The following RFTN2 variants were observed in gnomAD, a reference collection of about 807,000 sequenced individuals.
The protein encoded by RFTN2 is raftlin family member 2, also known as raftlin-2.
RFTN2 carries 34 observed loss-of-function variants against 52.7 expected under a neutral mutation model. The observed-to-expected ratio is 0.64, with a 90% CI of 0.49 to 0.86. The LOEUF (loss-of-function observed/expected upper bound fraction) is 0.86, where lower values mean the gene tolerates loss of function less well. RFTN2 is among the 40% of genes least tolerant of loss of function. RFTN2 has a pLI of 0.00. For synonymous variants in RFTN2, 203 were observed against 217.7 expected, an observed-to-expected ratio of 0.93 and a Z score of 0.59; for missense variants, 536 against 600.1, an observed-to-expected ratio of 0.89 and a Z score of 1.12.
intron 5 of RFTN2, among the ~76,000 whole-genome samples, chr2:197,629,702 ATTTAT>A (rs57395567): frequency 2.0e-4 from 29 of 142,010 alleles, no homozygotes; most frequent in East Asian, 4.3e-4. Flanking sequence ...ACACACACAT[ATTTAT>A]TTTATTTTAT....
intron 8 of RFTN2, among the ~76,000 whole-genome samples, chr2:197,593,216 T>C (rs982147163): frequency 6.6e-6 from 1 of 152,088 alleles, no homozygotes; most frequent in Admixed American, 6.6e-5. Flanking sequence ...AGAAAAGCTA[T>C]GACTAGAGAC....
At chr2:197,622,473 T>A (rs911319250) in intron 5 of RFTN2, among the ~76,000 whole-genome samples, 1 of 152,090 alleles carries the variant, frequency 6.6e-6, no homozygotes, top group Non-Finnish European at 1.5e-5. Flanking sequence ...ACCCAGCTAA[T>A]TTTTGTATTT....
At chr2:197,605,902 C>T (rs2087954311) in intron 7 of RFTN2, among the ~76,000 whole-genome samples, 1 of 152,204 alleles carries the variant, frequency 6.6e-6, no homozygotes, top group Non-Finnish European at 1.5e-5. Flanking sequence ...CCCCCTCAGA[C>T]ATCATGAGCT....
chr2:197,587,217 C>T (rs2087614882), intron 8 of RFTN2, among the ~76,000 whole-genome samples: 1 of 152,120 alleles, frequency 6.6e-6, no homozygotes, highest in Non-Finnish European at 1.5e-5. Flanking sequence ...CTCTAGGTTC[C>T]CACGCTGCCC....
At chr2:197,642,615 T>C (rs1238774390) in intron 3 of RFTN2, among the ~76,000 whole-genome samples, 1 of 152,190 alleles carries the variant, frequency 6.6e-6, no homozygotes, top group Non-Finnish European at 1.5e-5. Flanking sequence ...TTAAATATCT[T>C]TGTATAAAAA....
chr2:197,671,674 G>A (rs2089149501), intron 1 of RFTN2, among the ~76,000 whole-genome samples: 1 of 152,108 alleles, frequency 6.6e-6, no homozygotes, highest in Admixed American at 6.6e-5. Context: ...CCTGTTAATG[G>A]TGATGATGAA....
At chr2:197,655,398 G>A (rs1294582255) in intron 1 of RFTN2, among the ~76,000 whole-genome samples, 1 of 152,138 alleles carries the variant, frequency 6.6e-6, no homozygotes, top group African/African-American at 2.4e-5. Context: ...TAGTAGAAAT[G>A]TTAATGCAAG....
chr2:197,658,034 G>A (rs914661883), intron 1 of RFTN2, among the ~76,000 whole-genome samples: 1 of 152,128 alleles, frequency 6.6e-6, no homozygotes, highest in African/African-American at 2.4e-5. Context: ...GCTCACCAGA[G>A]TGAATAATTA....
In RFTN2 at chr2:197,675,352, T is replaced by G; in HGVS notation, c.107A>C (p.Tyr36Ser). Reference sequence around the variant, plus strand: ...AGTAAAATCCAGCAATACATATTCGTAAGCAAATTCTGTCTTTGTTTCCAC... The same window carrying G: ...AGTAAAATCCAGCAATACATATTCGGAAGCAAATTCTGTCTTTGTTTCCAC... ...PQVETKTEFA[Y>S]EYVLLDFTLQ... Residue 36 changes from tyrosine to serine, a missense_variant, in exon 1 of 9, where the codon TAC (tyrosine) becomes TCC (serine). Tyr to Ser is a moderately radical substitution (Grantham distance 144). Coordinates refer to ENST00000295049, the MANE Select transcript of RFTN2 (RefSeq NM_144629.3). 6.2e-7 allele frequency: 1 copy of G among 1,604,616 alleles called. No individual in the cohort carries two copies. The highest frequency in any genetic ancestry group is 2.3e-5 in the East Asian group (1 of 44,120).
rs1324718242 is a variant in RFTN2 at position 197,666,786 on chromosome 2, G to T, written c.139+8534C>A. Among the ~76,000 whole-genome samples the T allele has an allele frequency of 2.0e-5, 3 of 152,058 alleles. No individual in the cohort carries two copies. The East Asian group carries it at 5.8e-4, about 29-fold the overall frequency. On this transcript the variant is annotated intron_variant, in intron 1 of 8. Coordinates refer to ENST00000295049, the MANE Select transcript of RFTN2 (RefSeq NM_144629.3). The stretch of plus-strand genomic sequence containing the variant: ...AATTCGAGTATTTGGTAACTTCATG[G>T]TGTTCCATATGTCATGAAAACTTTG...
chr2:197,618,550 G>C (rs1369308079), intron 5 of RFTN2, among the ~76,000 whole-genome samples: 2 of 149,960 alleles, frequency 1.3e-5, no homozygotes, highest in Admixed American at 1.3e-4. Flanking sequence ...GCCGCCCATC[G>C]TCTGGGATGT....
At chr2:197,628,692 T>C (rs2088410889) in intron 5 of RFTN2, among the ~76,000 whole-genome samples, 1 of 152,156 alleles carries the variant, frequency 6.6e-6, no homozygotes, top group South Asian at 2.1e-4. Context: ...ACACTAAAAG[T>C]ACTGTAATTG....
intron 8 of RFTN2, among the ~76,000 whole-genome samples, chr2:197,587,181 ATCCTCCTTCAACTTGACCTCTGCTAC>A (rs1413659551): frequency 6.6e-6 from 1 of 151,722 alleles, no homozygotes; most frequent in African/African-American, 2.4e-5. Flanking sequence ...TTACCACAAA[ATCCTCCTTCAACTTGACCTCTGCTAC>A]TCTAGGTTCC....
At chr2:197,599,689 A>T (rs952860166) in intron 7 of RFTN2, among the ~76,000 whole-genome samples, 94 of 152,074 alleles carry the variant, frequency 6.2e-4, no homozygotes, top group African/African-American at 2.1e-3. Flanking sequence ...GTTCTACTTG[A>T]TATTTAACAC....
chr2:197,621,961 A>T (rs1212743675), intron 5 of RFTN2, among the ~76,000 whole-genome samples: 1 of 152,200 alleles, frequency 6.6e-6, no homozygotes, highest in Non-Finnish European at 1.5e-5. Flanking sequence ...TGAATGAATG[A>T]TAAGAAAGCA....
chr2:197,575,430 T>G (rs968309456), intron 8 of RFTN2, among the ~76,000 whole-genome samples: 1 of 152,222 alleles, frequency 6.6e-6, no homozygotes, highest in Admixed American at 6.5e-5. Context: ...CTTGTCCTGC[T>G]GCAAACTGCT....
At chr2:197,671,117 C>A (rs1481223070) in intron 1 of RFTN2, among the ~76,000 whole-genome samples, 1 of 152,204 alleles carries the variant, frequency 6.6e-6, no homozygotes, top group African/African-American at 2.4e-5. Context: ...ACTACTTGTT[C>A]AAAAAGCCTT....
In RFTN2 at chr2:197,600,553, G is replaced by A. The variant is rs543623817; in HGVS notation, c.1155-4484C>T. Among the ~76,000 whole-genome samples the A allele has an allele frequency of 9.3e-4, 141 of 152,232 alleles. 1 individual carries two copies. The highest frequency in any genetic ancestry group is 3.2e-3 in the African/African-American group (131 of 41,530). On this transcript the variant is annotated intron_variant, in intron 7 of 8. Coordinates refer to ENST00000295049, the MANE Select transcript of RFTN2 (RefSeq NM_144629.3). ...GAGGTCTGAAGCCTTATAGAGGGAC[G>A]CCTATTTGGTAAAGCAAGTAAGTCC...
rs763876428 is a variant in RFTN2, at chr2:197,631,070, A to T, written c.869T>A (p.Phe290Tyr). Residue 290 changes from phenylalanine to tyrosine, a missense_variant, in exon 5 of 9, where the codon TTT becomes TAT. Coordinates refer to ENST00000295049, the MANE Select transcript of RFTN2 (RefSeq NM_144629.3). ...TAAAGACAAGCCTTGTTTATAATAAAAGGTAGTTAACTCCAGCCAATCAGC... is the reference window on the plus strand; with the variant it reads ...TAAAGACAAGCCTTGTTTATAATAATAGGTAGTTAACTCCAGCCAATCAGC... ...LDADWLELTT[F>Y]YYKQGLSLID... 3.1e-6 allele frequency: 5 copies of T among 1,613,304 alleles called. No individual in the cohort carries two copies. The Admixed American group carries it at 8.3e-5, about 27-fold the overall frequency.
Sources: allele counts gnomAD v4.1 joint callset (sites outside exome capture counted in the v4.1 genomes callset), GRCh38; gene constraint gnomAD v4.1.1; transcripts MANE v1.5; gene names NCBI Gene and HGNC (gene_info 2026-07-23, HGNC 2026-07-21).